Variants in SNAP25 observed in about 807,000 individuals in gnomAD.
The protein encoded by SNAP25 is synaptosome associated protein 25.
In SNAP25, 3 loss-of-function variants were observed where a neutral mutation model predicts 28.7. The ratio of observed to expected loss-of-function variants is 0.10; its 90% CI spans 0.05 to 0.27. SNAP25 has a LOEUF of 0.27. Among genes scored for constraint, SNAP25 ranks in the 10% least tolerant of loss-of-function variants. The probability of loss-of-function intolerance (pLI) is 1.00; values close to 1 mark genes in which losing one functional copy is unlikely to be tolerated. For synonymous variants in SNAP25, 61 were observed against 88.1 expected (o/e 0.69, Z 1.72); for missense variants, 117 against 278.7 (o/e 0.42, Z 4.13).
chr20:10,264,430 T>C (rs2063471788), intron 1 of SNAP25, among the ~76,000 whole-genome samples: 1 of 152,198 alleles, frequency 6.6e-6, no homozygotes, highest in South Asian at 2.1e-4. Context: ...TCAGAGACAC[T>C]GTGGGAGAGG....
intron 5 of SNAP25, chr20:10,296,714 T>C: frequency 1.7e-6 from 1 of 601,120 alleles, no homozygotes; most frequent in East Asian, 3.3e-5. Context: ...TGCAGTCCAT[T>C]GCAATGGATT....
At chr20:10,254,972 T>A (rs2063295357) in intron 1 of SNAP25, among the ~76,000 whole-genome samples, 1 of 152,132 alleles carries the variant, frequency 6.6e-6, no homozygotes, top group Admixed American at 6.6e-5. Flanking sequence ...TGTTTCTTCA[T>A]CTGAAGTAAA....
chr20:10,232,321 T>C (rs2062842502), intron 1 of SNAP25, among the ~76,000 whole-genome samples: 1 of 152,204 alleles, frequency 6.6e-6, no homozygotes, highest in Non-Finnish European at 1.5e-5. Context: ...GCTCAATCAA[T>C]TGTGGGTGTG....
intron 1 of SNAP25, among the ~76,000 whole-genome samples, chr20:10,246,496 A>G (rs1600677793): frequency 6.6e-6 from 1 of 152,080 alleles, no homozygotes; most frequent in Non-Finnish European, 1.5e-5. Flanking sequence ...GAGGCAAACC[A>G]CCCTGACAGT....
intron 1 of SNAP25, among the ~76,000 whole-genome samples, chr20:10,255,351 C>T (rs2063301865): frequency 6.6e-6 from 1 of 152,186 alleles, no homozygotes; most frequent in African/African-American, 2.4e-5. Context: ...TTGTATGTTT[C>T]CTTCCAATGG....
At chr20:10,303,745 TTC>T (rs1255553300) in intron 7 of SNAP25, among the ~76,000 whole-genome samples, 1 of 152,204 alleles carries the variant, frequency 6.6e-6, no homozygotes, top group Non-Finnish European at 1.5e-5. Flanking sequence ...TGATGCATTT[TTC>T]TCAGTGGTGA....
At chr20:10,240,888 G>C (rs181453892) in intron 1 of SNAP25, among the ~76,000 whole-genome samples, 1 of 152,156 alleles carries the variant, frequency 6.6e-6, no homozygotes, top group Non-Finnish European at 1.5e-5. Flanking sequence ...TGCCATTAGC[G>C]ACCTGGGGAG....
intron 4 of SNAP25, among the ~76,000 whole-genome samples, chr20:10,286,831 G>A (rs1467780363): frequency 1.3e-5 from 2 of 151,988 alleles, no homozygotes; most frequent in Non-Finnish European, 2.9e-5. Context: ...AAATAACAAA[G>A]TCTACTAGAG....
chr20:10,240,059 C>T (rs2062997284), intron 1 of SNAP25, among the ~76,000 whole-genome samples: 1 of 152,220 alleles, frequency 6.6e-6, no homozygotes, highest in Non-Finnish European at 1.5e-5. Context: ...CCCAAGGCTG[C>T]TGTGCAGGGG....
At chr20:10,252,965 T>C (rs1469086753) in intron 1 of SNAP25, among the ~76,000 whole-genome samples, 1 of 152,194 alleles carries the variant, frequency 6.6e-6, no homozygotes, top group Non-Finnish European at 1.5e-5. Context: ...ATAGGTGTAT[T>C]ACTAGGGTTA....
chr20:10,303,598 A>G (rs1462010248), intron 7 of SNAP25, among the ~76,000 whole-genome samples: 1 of 152,132 alleles, frequency 6.6e-6, no homozygotes, highest in Non-Finnish European at 1.5e-5. Context: ...GGTTGAGAGA[A>G]AAACAGTTTG....
At chr20:10,268,247 G>T (rs1203055243) in intron 1 of SNAP25, among the ~76,000 whole-genome samples, 2 of 152,066 alleles carry the variant, frequency 1.3e-5, no homozygotes, top group African/African-American at 4.8e-5. Flanking sequence ...GAATTTGAAG[G>T]TGTACCTCCA....
At chr20:10,270,775 A>G (rs1250996786) in intron 1 of SNAP25, among the ~76,000 whole-genome samples, 1 of 152,004 alleles carries the variant, frequency 6.6e-6, no homozygotes, top group East Asian at 1.9e-4. Flanking sequence ...CCCTGAGGGT[A>G]GGGCCCAGCA....
chr20:10,289,323 T>A (rs2063948968), intron 4 of SNAP25, among the ~76,000 whole-genome samples: 1 of 152,158 alleles, frequency 6.6e-6, no homozygotes, highest in Non-Finnish European at 1.5e-5. Context: ...TACCTGCATA[T>A]CTCTTGTTCC....
chr20:10,289,380 T>C (rs2063949806), intron 4 of SNAP25, among the ~76,000 whole-genome samples: 1 of 152,148 alleles, frequency 6.6e-6, no homozygotes, highest in South Asian at 2.1e-4. Flanking sequence ...ATGCTGAAGA[T>C]GTGACTTTTG....
At chr20:10,241,460 C>G (rs1357783393) in intron 1 of SNAP25, among the ~76,000 whole-genome samples, 1 of 151,966 alleles carries the variant, frequency 6.6e-6, no homozygotes, top group Non-Finnish European at 1.5e-5. Flanking sequence ...GGTGAACATG[C>G]CAGGCAATAT....
intron 1 of SNAP25, among the ~76,000 whole-genome samples, chr20:10,273,639 T>A (rs362582): frequency 0.11 from 16,903 of 152,198 alleles, 1,273 homozygotes; most frequent in African/African-American, 0.2. Flanking sequence ...AGGGACACAC[T>A]TTGTTCTACT....
At chr20:10,266,763 G>A (rs1324121323) in intron 1 of SNAP25, among the ~76,000 whole-genome samples, 2 of 152,200 alleles carry the variant, frequency 1.3e-5, no homozygotes, top group African/African-American at 4.8e-5. Context: ...GCTGCAAAAT[G>A]TAAAGAGTGA....
At chr20:10,233,340 C>T (rs2062858717) in intron 1 of SNAP25, among the ~76,000 whole-genome samples, 1 of 149,088 alleles carries the variant, frequency 6.7e-6, no homozygotes, top group South Asian at 2.1e-4. Flanking sequence ...AGGCCACATC[C>T]CATGTAAGCT....
Sources: gnomAD v4.1 joint callset for allele counts (sites outside exome capture counted in the v4.1 genomes callset) on GRCh38, gnomAD v4.1.1 for gene constraint, MANE v1.5 for transcripts, NCBI Gene and HGNC (gene_info 2026-07-23, HGNC 2026-07-21) for gene names.